The following TRPM3 variants were observed in gnomAD, a reference collection of about 807,000 sequenced individuals.
TRPM3 encodes transient receptor potential cation channel subfamily M member 3.
A neutral mutation model predicts 181.2 loss-of-function variants in TRPM3; 77 were observed. The ratio of observed to expected loss-of-function variants is 0.42; its 90% confidence interval spans 0.35 to 0.51. TRPM3 has a LOEUF of 0.51. Ranked by LOEUF, TRPM3 falls within the 20% of genes least tolerant of loss-of-function variation. TRPM3 has a pLI of 0.01. For missense variants in TRPM3, 1,759 were observed against 2,196.7 expected (o/e 0.80, Z 3.98); for synonymous variants, 745 against 796.4 (o/e 0.94, Z 1.09).
chr9:70,948,608 T>A (rs2096961860), intron 1 of TRPM3, among the ~76,000 whole-genome samples: 1 of 152,172 alleles, frequency 6.6e-6, no homozygotes, highest in Non-Finnish European at 1.5e-5. Flanking sequence ...GAGACTGTCT[T>A]CAAAAGCATG....
chr9:71,415,796 A>G, intron 1 of TRPM3, among the ~76,000 whole-genome samples: 1 of 151,922 alleles, frequency 6.6e-6, no homozygotes, highest in Non-Finnish European at 1.5e-5. Context: ...GTTTCTCTAG[A>G]TTTATCTCTA....
At chr9:71,216,937 C>CTTTTTTTTTTT (rs10536771) in intron 1 of TRPM3, among the ~76,000 whole-genome samples, 1 of 72,946 alleles carries the variant, frequency 1.4e-5, no homozygotes, top group Non-Finnish European at 2.4e-5. Flanking sequence ...GTGGCCCTTT[C>CTTTTTTTTTTT]TTTTTTTTTT....
At chr9:71,047,816 A>ACGCAT (rs2059616029) in intron 1 of TRPM3, among the ~76,000 whole-genome samples, 1 of 20,746 alleles carries the variant, frequency 4.8e-5, no homozygotes, top group African/African-American at 2.4e-4. Flanking sequence ...TGCATCACAC[A>ACGCAT]CACACACACA....
At chr9:71,335,335 C>T (rs951631595) in intron 1 of TRPM3, among the ~76,000 whole-genome samples, 1 of 151,886 alleles carries the variant, frequency 6.6e-6, no homozygotes, top group Non-Finnish European at 1.5e-5. Context: ...AATTTTTTTT[C>T]AATATACCAG....
intron 1 of TRPM3, among the ~76,000 whole-genome samples, chr9:70,899,687 C>T (rs139217869): frequency 1.5e-3 from 224 of 152,334 alleles, no homozygotes; most frequent in African/African-American, 5.2e-3. Flanking sequence ...ATGCATCCCA[C>T]AGATGCTTAG....
At chr9:71,083,713 TACACACACAC>T (rs34900575) in intron 1 of TRPM3, among the ~76,000 whole-genome samples, 14 of 145,286 alleles carry the variant, frequency 9.6e-5, no homozygotes, top group South Asian at 2.2e-4. Flanking sequence ...TATTATTATG[TACACACACAC>T]ACACACACAC....
chr9:70,918,265 C>A (rs976188334), intron 1 of TRPM3, among the ~76,000 whole-genome samples: 1 of 152,096 alleles, frequency 6.6e-6, no homozygotes, highest in Admixed American at 6.5e-5. Flanking sequence ...GCACTATAGA[C>A]CAAATAGATC....
chr9:71,274,635 G>A (rs926010133), intron 1 of TRPM3, among the ~76,000 whole-genome samples: 5 of 152,164 alleles, frequency 3.3e-5, no homozygotes, highest in Admixed American at 6.5e-5. Flanking sequence ...GCCAGCAAAT[G>A]CTCACCTAAA....
chr9:70,896,466 G>C (rs1178096068), intron 1 of TRPM3, among the ~76,000 whole-genome samples: 1 of 152,096 alleles, frequency 6.6e-6, no homozygotes, highest in Non-Finnish European at 1.5e-5. Flanking sequence ...GCAGATAAGT[G>C]CCATATCTTC....
intron 1 of TRPM3, among the ~76,000 whole-genome samples, chr9:71,331,028 C>T (rs2090072411): frequency 6.6e-6 from 1 of 151,760 alleles, no homozygotes; most frequent in African/African-American, 2.4e-5. Flanking sequence ...CTTGGGATCT[C>T]AATTTTCCAT....
At chr9:71,027,189 G>C (rs1337768128) in intron 1 of TRPM3, among the ~76,000 whole-genome samples, 1 of 152,178 alleles carries the variant, frequency 6.6e-6, no homozygotes, top group Non-Finnish European at 1.5e-5. Flanking sequence ...AGAGCATACT[G>C]TCTAGGAGCC....
chr9:71,416,651 T>A lies in TRPM3; in HGVS notation c.183+30002A>T, dbSNP rs191694372. Among the ~76,000 whole-genome samples, 11 of 152,058 alleles carry A rather than the reference T, an allele frequency of 7.2e-5. No homozygotes were observed. In the East Asian group the frequency reaches 1.5e-3, roughly 21 times the overall value. On this transcript the variant is annotated intron_variant, in intron 1 of 24. Coordinates refer to the TRPM3 transcript ENST00000357533. ...AGGTACAATCACATTAACATATGAC[T>A]TACAAAATAAGATTTTTAAGGGACA...
At chr9:71,216,823 T>C (rs2079896516) in intron 1 of TRPM3, among the ~76,000 whole-genome samples, 1 of 151,774 alleles carries the variant, frequency 6.6e-6, no homozygotes, top group Non-Finnish European at 1.5e-5. Context: ...GAATCATCCC[T>C]AGGTAAACAG....
rs113710933 is a variant in TRPM3, at chr9:70,578,131, A to C, written c.3223+12900T>G. Among the ~76,000 whole-genome samples the C allele has an allele frequency of 6.3e-3, 962 of 152,304 alleles. 14 individuals are homozygous for C. Among genetic ancestry groups the C allele is most frequent in the African/African-American group, 0.022 (913 of 41,556 alleles). ...TTTTCAATTTGGTTCAGTGGTGTTA[A>C]GTTGATCAGTAAATATAACTATTGA... On this transcript the variant is annotated intron_variant, in intron 22 of 25. Transcript: ENST00000677713.
intron 18 of TRPM3, among the ~76,000 whole-genome samples, chr9:70,613,106 G>C (rs2062230642): frequency 6.6e-6 from 1 of 152,208 alleles, no homozygotes; most frequent in South Asian, 2.1e-4. Context: ...CAGCATGAAT[G>C]CATTTGTAAA....
chr9:70,635,511 G>A (rs1157271423), intron 11 of TRPM3, among the ~76,000 whole-genome samples: 1 of 142,720 alleles, frequency 7.0e-6, no homozygotes, highest in African/African-American at 2.6e-5. Flanking sequence ...TACCCAGGCT[G>A]GAGTGCAACG....
At chr9:71,425,674 C>T (rs1157924013) in intron 1 of TRPM3, among the ~76,000 whole-genome samples, 1 of 152,136 alleles carries the variant, frequency 6.6e-6, no homozygotes, top group Non-Finnish European at 1.5e-5. Flanking sequence ...AACGCATTTG[C>T]AGAGACTTTA....
intron 25 of TRPM3, among the ~76,000 whole-genome samples, chr9:70,541,559 T>G (rs1439457962): frequency 6.7e-6 from 1 of 149,850 alleles, no homozygotes; most frequent in East Asian, 2.0e-4. Context: ...TTGCCCAGGC[T>G]GGAGTGGAGT....
Position 70,872,835 on chromosome 9 carries a change from A to T in TRPM3, c.178-8324T>A, listed in dbSNP as rs555084849. Among the ~76,000 whole-genome samples, 3 of 152,112 alleles carry T rather than the reference A, an allele frequency of 2.0e-5. No individual in the cohort carries two copies. In the East Asian group the frequency reaches 5.8e-4, roughly 30 times the overall value. ...TAGGCAAATCATCTGATTTCCTTGC[A>T]CATTAATTCTTCATTGGAAAATGAT... On this transcript the variant is annotated intron_variant, in intron 1 of 25. Transcript: ENST00000677713.
Sources: gnomAD v4.1 joint callset for allele counts (sites outside exome capture counted in the v4.1 genomes callset) on GRCh38, gnomAD v4.1.1 for gene constraint, MANE v1.5 for transcripts, NCBI Gene and HGNC (gene_info 2026-07-23, HGNC 2026-07-21) for gene names.